The following CCNH variants were observed in gnomAD, a reference collection of about 807,000 sequenced individuals.
CCNH encodes the protein cyclin-H.
Under a neutral mutation model 41.9 loss-of-function variants are expected in CCNH, and 31 were observed. The observed-to-expected ratio is 0.74, with a 90% CI of 0.56 to 1.00. CCNH has a LOEUF of 1.00. Ranked by LOEUF, CCNH falls within the 50% of genes least tolerant of loss-of-function variation. CCNH has a pLI of 0.00. For missense variants in CCNH, 362 were observed against 388.4 expected (o/e 0.93, Z 0.57); for synonymous variants, 138 against 136.1 (o/e 1.01, Z -0.10).
intron 9 of CCNH, among the ~76,000 whole-genome samples, chr5:87,320,898 T>C (rs1414896903): frequency 6.6e-6 from 1 of 152,226 alleles, no homozygotes; most frequent in Admixed American, 6.5e-5. Context: ...TTACACATAG[T>C]CTGATTTGGC....
At chr5:87,338,532 T>TATAA (rs1758167512) in intron 9 of CCNH, among the ~76,000 whole-genome samples, 1 of 59,676 alleles carries the variant, frequency 1.7e-5, no homozygotes, top group African/African-American at 4.8e-5. Flanking sequence ...TATATATATA[T>TATAA]AAAATTTTTT....
chr5:87,337,928 T>C (rs540231814), intron 9 of CCNH: 12 of 1,523,424 alleles, frequency 7.9e-6, no homozygotes, highest in Middle Eastern at 2.2e-4. Flanking sequence ...CTAATCTCTG[T>C]ATTTAAAATT....
At chr5:87,342,565 T>G (rs981884800) in intron 9 of CCNH, among the ~76,000 whole-genome samples, 1 of 152,194 alleles carries the variant, frequency 6.6e-6, no homozygotes, top group African/African-American at 2.4e-5. Flanking sequence ...CACAATAATC[T>G]TGATCTTTCT....
At chr5:87,403,866 T>C (rs572101309) in intron 5 of CCNH, among the ~76,000 whole-genome samples, 46 of 152,346 alleles carry the variant, frequency 3.0e-4, no homozygotes, top group Admixed American at 2.7e-3. Flanking sequence ...TGACTATCTT[T>C]CCTAACACAG....
exon 1 of CCNH, chr5:87,376,961 C>A: frequency 6.2e-7 from 1 of 1,611,932 alleles, no homozygotes; most frequent in Non-Finnish European, 8.5e-7. Flanking sequence ...TGGCCAGCAT[C>A]CTACTGAGGA....
chr5:87,379,915 T>C (rs1761590953), upstream of CCNH: 1 of 1,507,446 alleles, frequency 6.6e-7, no homozygotes, highest in Admixed American at 1.7e-5. Flanking sequence ...TTTCTATTTC[T>C]AAAACGTGAA....
At chr5:87,395,639 G>C (rs1007197281) in intron 7 of CCNH, among the ~76,000 whole-genome samples, 1 of 152,178 alleles carries the variant, frequency 6.6e-6, no homozygotes, top group African/African-American at 2.4e-5. Context: ...TTAGGAGGCC[G>C]AGGCGTCAGA....
rs1041546774 is a variant in CCNH at position 87,363,342 on chromosome 5, A to C, written c.*90+29428T>G. The C allele has an allele frequency of 4.4e-5, 70 of 1,585,830 alleles. No individual in the cohort carries two copies. The highest frequency in any genetic ancestry group is 5.9e-5 in the Non-Finnish European group (69 of 1,159,914). On this transcript the variant is annotated intron_variant and NMD_transcript_variant, in intron 9 of 9. Coordinates refer to the CCNH transcript ENST00000645953. ...CTAAGAGAAAACAATTTTTTTTTTT[A>C]AACAGGCAAAGGAAAACGTTGGAAA...
intron 9 of CCNH, among the ~76,000 whole-genome samples, chr5:87,354,900 A>G (rs1478018572): frequency 1.3e-5 from 2 of 152,206 alleles, no homozygotes; most frequent in Admixed American, 1.3e-4. Context: ...AGATTAAACC[A>G]GGGATAACAT....
intron 9 of CCNH, chr5:87,362,530 T>C: frequency 1.9e-6 from 3 of 1,576,554 alleles, no homozygotes; most frequent in East Asian, 2.2e-5. Flanking sequence ...TGAAATAATT[T>C]TAATGTTTTT....
chr5:87,399,309 G>A, intron 7 of CCNH, 85 bp downstream of exon 7: 7 of 960,010 alleles, frequency 7.3e-6, no homozygotes, highest in Non-Finnish European at 1.0e-5. Flanking sequence ...TTCCTCTAAT[G>A]AGCAAACACC....
chr5:87,332,448 T>A, intron 9 of CCNH: 1 of 1,503,914 alleles, frequency 6.6e-7, no homozygotes, highest in Non-Finnish European at 9.2e-7. Context: ...TTATAAAACT[T>A]GATTTTTAAA....
chr5:87,322,002 T>G (rs1418963332), intron 9 of CCNH, among the ~76,000 whole-genome samples: 5 of 152,154 alleles, frequency 3.3e-5, no homozygotes, highest in Non-Finnish European at 5.9e-5. Context: ...AAGGGTGATA[T>G]AGCTTGAATG....
intron 9 of CCNH, among the ~76,000 whole-genome samples, chr5:87,335,439 T>C (rs2112378451): frequency 6.8e-6 from 1 of 146,350 alleles, no homozygotes; most frequent in Non-Finnish European, 1.5e-5. Flanking sequence ...TTTTTTTTTT[T>C]TTTTTGTGAC....
chr5:87,336,367 A>G (rs1757971080), intron 9 of CCNH, among the ~76,000 whole-genome samples: 1 of 152,124 alleles, frequency 6.6e-6, no homozygotes, highest in East Asian at 1.9e-4. Context: ...TGGGAGACCA[A>G]AAAGAAAAAA....
chr5:87,405,079 C>G, intron 4 of CCNH, 72 bp from the exon 5 acceptor site: 1 of 1,039,284 alleles, frequency 9.6e-7, no homozygotes, highest in South Asian at 1.5e-5. Flanking sequence ...TTAAAAATTA[C>G]ACAACTCCTA....
chr5:87,387,258 C>T (rs1410810104), downstream of CCNH, among the ~76,000 whole-genome samples: 2 of 151,946 alleles, frequency 1.3e-5, no homozygotes, highest in African/African-American at 2.4e-5. Flanking sequence ...CTATGTGGGG[C>T]GTGAAGCAAG....
intron 9 of CCNH, chr5:87,331,325 T>C (rs1288572671): frequency 3.4e-5 from 54 of 1,577,424 alleles, no homozygotes; most frequent in African/African-American, 5.4e-5. Flanking sequence ...TATATTGTAA[T>C]ATCTTCTCTG....
chr5:87,366,231 A>C (rs1219904483), intron 9 of CCNH: 2 of 205,920 alleles, frequency 9.7e-6, no homozygotes, highest in African/African-American at 4.5e-5. Context: ...AAAATGATTC[A>C]CTAATGATAC....
Sources: gnomAD v4.1 joint callset for allele counts (sites outside exome capture counted in the v4.1 genomes callset) on GRCh38, gnomAD v4.1.1 for gene constraint, MANE v1.5 for transcripts, NCBI Gene and HGNC (gene_info 2026-07-23, HGNC 2026-07-21) for gene names.